The following LPP variants were observed in gnomAD, a reference collection of about 807,000 sequenced individuals.
The protein encoded by LPP is lipoma-preferred partner.
A neutral mutation model predicts 60.4 loss-of-function variants in LPP; 38 were observed. The observed-to-expected ratio is 0.63, with a 90% confidence interval of 0.49 to 0.83. LPP has a LOEUF of 0.83. Among genes scored for constraint, LPP ranks in the 40% least tolerant of loss-of-function variants. The pLI is 0.00. For synonymous variants in LPP, 328 were observed against 290.8 expected, an observed-to-expected ratio of 1.13 and a Z score of -1.30; for missense variants, 902 against 783.6, an observed-to-expected ratio of 1.15 and a Z score of -1.80.
chr3:188,790,834 T>G (rs976876906), intron 9 of LPP, among the ~76,000 whole-genome samples: 10 of 131,194 alleles, frequency 7.6e-5, no homozygotes, highest in African/African-American at 2.8e-4. Context: ...AAAAAAAAAA[T>G]GTTAGCATAT....
At chr3:188,170,037 A>G (rs56280628) in intron 1 of LPP, among the ~76,000 whole-genome samples, 6,849 of 152,280 alleles carry the variant, frequency 0.045, 178 homozygotes, top group Middle Eastern at 0.099. Context: ...CGGGAACAGA[A>G]TAACAGTGAA....
intron 1 of LPP, among the ~76,000 whole-genome samples, chr3:188,213,224 T>C (rs1053485720): frequency 1.3e-5 from 2 of 152,138 alleles, no homozygotes; most frequent in East Asian, 1.9e-4. Context: ...TTTAAGAGTA[T>C]GCAAAATGTT....
chr3:188,500,552 G>C (rs1811528362), intron 5 of LPP, among the ~76,000 whole-genome samples: 1 of 152,160 alleles, frequency 6.6e-6, no homozygotes, highest in South Asian at 2.1e-4. Flanking sequence ...TAGTATCTTT[G>C]TCGGACTTTG....
chr3:188,686,720 T>C (rs917111849), intron 7 of LPP, among the ~76,000 whole-genome samples: 6 of 152,166 alleles, frequency 3.9e-5, no homozygotes, highest in Non-Finnish European at 8.8e-5. Context: ...AGATAGAAGA[T>C]GGGAAGCCGA....
intron 2 of LPP, among the ~76,000 whole-genome samples, chr3:188,271,530 A>G (rs1310533967): frequency 1.3e-5 from 2 of 152,340 alleles, no homozygotes; most frequent in African/African-American, 4.8e-5. Context: ...CACAGATGTT[A>G]AGAAGGTTAA....
intron 4 of LPP, among the ~76,000 whole-genome samples, chr3:188,453,641 G>A (rs1171914790): frequency 6.6e-6 from 1 of 151,856 alleles, no homozygotes; most frequent in Non-Finnish European, 1.5e-5. Flanking sequence ...TTGCTTGAAT[G>A]GTTCTCTCAG....
At chr3:188,513,767 G>A (rs1168017176) in intron 5 of LPP, among the ~76,000 whole-genome samples, 1 of 152,090 alleles carries the variant, frequency 6.6e-6, no homozygotes, top group Admixed American at 6.6e-5. Context: ...TGAACAGTGA[G>A]GCTACTTGTG....
At position 188,623,098 on chromosome 3, in the gene LPP, T is replaced by TTAGATA. The variant is rs1438811992; in HGVS notation, c.1113+13255_1113+13256insAGATAT. On this transcript the variant is annotated intron_variant, in intron 7 of 11. Coordinates refer to ENST00000617246, the MANE Select transcript of LPP (RefSeq NM_001375462.1). The stretch of plus-strand genomic sequence containing the variant: ...AAGGAAATAGACATTGCCCCCATGA[T>TTAGATA]TGTATGGATGACTAGATCATTTAAA... Among the ~76,000 whole-genome samples, 23 of 5,084 alleles carry TTAGATA rather than the reference T, an allele frequency of 4.5e-3. No individual in the cohort carries two copies. The East Asian group carries it at 0.3, about 66-fold the overall frequency. 3.3% of individuals were successfully genotyped at this position (5,084 alleles called of 152,430 possible).
intron 7 of LPP, among the ~76,000 whole-genome samples, chr3:188,633,496 G>C (rs891050514): frequency 6.6e-6 from 1 of 152,144 alleles, no homozygotes; most frequent in African/African-American, 2.4e-5. Flanking sequence ...TACATTCTTT[G>C]GAGTAACAAT....
intron 5 of LPP, among the ~76,000 whole-genome samples, chr3:188,487,307 A>G (rs1005058190): frequency 6.6e-6 from 1 of 152,260 alleles, no homozygotes; most frequent in South Asian, 2.1e-4. Flanking sequence ...CACTATTAAT[A>G]TGTAAGAAGA....
At chr3:188,467,796 G>C (rs1035371978) in intron 4 of LPP, among the ~76,000 whole-genome samples, 8 of 152,126 alleles carry the variant, frequency 5.3e-5, no homozygotes, top group African/African-American at 1.9e-4. Flanking sequence ...AGCTGGAAAA[G>C]ACAAAGAAGT....
At chr3:188,769,387 T>C (rs1177934850) in intron 9 of LPP, among the ~76,000 whole-genome samples, 4 of 152,198 alleles carry the variant, frequency 2.6e-5, no homozygotes, top group Non-Finnish European at 5.9e-5. Flanking sequence ...TCATCTTAGT[T>C]ACTGCTCACC....
chr3:188,345,610 A>C (rs1372686502), intron 3 of LPP, among the ~76,000 whole-genome samples: 1 of 152,230 alleles, frequency 6.6e-6, no homozygotes, highest in African/African-American at 2.4e-5. Flanking sequence ...GCTGGGCTAC[A>C]CAGCATTAAT....
chr3:188,718,118 G>A (rs773326802), intron 8 of LPP, among the ~76,000 whole-genome samples: 12 of 152,128 alleles, frequency 7.9e-5, no homozygotes, highest in African/African-American at 1.2e-4. Context: ...CACTGCACCC[G>A]GCCTGGCTAA....
At chr3:188,735,444 C>T (rs1722157869) in intron 8 of LPP, among the ~76,000 whole-genome samples, 1 of 151,920 alleles carries the variant, frequency 6.6e-6, no homozygotes, top group Non-Finnish European at 1.5e-5. Context: ...TGCAATGGTG[C>T]GATCTCAGCT....
At chr3:188,767,012 A>T (rs1016975913) in intron 9 of LPP, among the ~76,000 whole-genome samples, 1 of 152,190 alleles carries the variant, frequency 6.6e-6, no homozygotes, top group African/African-American at 2.4e-5. Flanking sequence ...GTCCGTTTTA[A>T]ATATTCTTGA....
intron 6 of LPP, among the ~76,000 whole-genome samples, chr3:188,586,859 C>T (rs1171150027): frequency 6.6e-6 from 1 of 151,928 alleles, no homozygotes; most frequent in Non-Finnish European, 1.5e-5. Flanking sequence ...TCCCGAGTAG[C>T]TGGGACTACA....
At chr3:188,272,857 G>A (rs958235721) in intron 2 of LPP, among the ~76,000 whole-genome samples, 3 of 152,180 alleles carry the variant, frequency 2.0e-5, no homozygotes, top group Admixed American at 1.3e-4. Flanking sequence ...AGTATGATAT[G>A]TGACATAGGC....
At position 188,630,729 on chromosome 3, in the gene LPP, G is replaced by A. The variant is rs976422777; in HGVS notation, c.1113+20885G>A. Among the ~76,000 whole-genome samples, 8 of 152,266 alleles carry A rather than the reference G, an allele frequency of 5.3e-5. No homozygotes were observed. In the East Asian group the frequency reaches 1.5e-3, roughly 29 times the overall value. ...AATGAAAAGACAAATGCACTTGTATGTTCATTGCAGCACTATTCAAAATAG... is the reference window on the plus strand; with the variant it reads ...AATGAAAAGACAAATGCACTTGTATATTCATTGCAGCACTATTCAAAATAG... On this transcript the variant is annotated intron_variant, in intron 7 of 11. Transcript: ENST00000617246.
Sources: allele counts gnomAD v4.1 joint callset (sites outside exome capture counted in the v4.1 genomes callset), GRCh38; gene constraint gnomAD v4.1.1; transcripts MANE v1.5; gene names NCBI Gene and HGNC (gene_info 2026-07-23, HGNC 2026-07-21).